The following HOMER1 variants were observed in gnomAD, a reference collection of about 807,000 sequenced individuals.
HOMER1 encodes the protein homer protein homolog 1.
A neutral mutation model predicts 48.9 loss-of-function variants in HOMER1; 3 were observed. That is an observed-to-expected ratio of 0.06 (90% CI 0.03 to 0.16). The LOEUF is 0.16. Among genes scored for constraint, HOMER1 ranks in the 10% least tolerant of loss-of-function variants. The pLI is 1.00. For missense variants in HOMER1, 247 were observed against 411.4 expected (o/e 0.60, Z 3.46); for synonymous variants, 134 against 146.4 (o/e 0.92, Z 0.61).
intron 5 of HOMER1, among the ~76,000 whole-genome samples, chr5:79,437,679 G>A (rs913424048): frequency 4.6e-5 from 7 of 152,168 alleles, no homozygotes; most frequent in Admixed American, 4.6e-4. Flanking sequence ...TATAGACAAG[G>A]TCTTACTCTG....
At chr5:79,478,722 C>T (rs1382481169) in intron 1 of HOMER1, among the ~76,000 whole-genome samples, 3 of 152,070 alleles carry the variant, frequency 2.0e-5, no homozygotes, top group South Asian at 2.1e-4. Context: ...GAAGCTGAGG[C>T]GGGCGGATCA....
chr5:79,431,870 A>G (rs60970254), intron 5 of HOMER1, among the ~76,000 whole-genome samples: 5,054 of 152,302 alleles, frequency 0.033, 194 homozygotes, highest in East Asian at 0.12. Flanking sequence ...TTATTTCCAC[A>G]TGAAGTATGA....
intron 3 of HOMER1, 21 bp downstream of exon 3, chr5:79,450,969 A>C (rs1247640577): frequency 6.2e-7 from 1 of 1,607,160 alleles, no homozygotes; most frequent in Non-Finnish European, 8.5e-7. Flanking sequence ...ATTTTCATTC[A>C]AATTTTATGA....
intron 1 of HOMER1, among the ~76,000 whole-genome samples, chr5:79,496,678 G>A (rs1752429399): frequency 1.3e-5 from 2 of 152,092 alleles, no homozygotes; most frequent in African/African-American, 2.4e-5. Context: ...ATACACAGCT[G>A]AGGCTCACCA....
intron 5 of HOMER1, among the ~76,000 whole-genome samples, chr5:79,418,056 G>A (rs1020017222): frequency 1.3e-5 from 2 of 152,192 alleles, no homozygotes; most frequent in African/African-American, 4.8e-5. Flanking sequence ...TTTTTGAAGA[G>A]GAGGCCAGAA....
chr5:79,454,010 A>G (rs894933540), intron 2 of HOMER1, among the ~76,000 whole-genome samples: 1 of 152,240 alleles, frequency 6.6e-6, no homozygotes, highest in African/African-American at 2.4e-5. Flanking sequence ...GCTACAGAAG[A>G]TAGATTTTGT....
At chr5:79,507,212 CAAAAAAAAAAAAA>C (rs34697575) in intron 1 of HOMER1, among the ~76,000 whole-genome samples, 6 of 51,902 alleles carry the variant, frequency 1.2e-4, no homozygotes, top group Non-Finnish European at 1.8e-4. Flanking sequence ...GGCTCTATCT[CAAAAAAAAAAAAA>C]AAAAAAAAAA....
chr5:79,376,354 C>T (rs546692988), intron 8 of HOMER1, among the ~76,000 whole-genome samples, 157 bp from the exon 9 acceptor site: 3 of 152,280 alleles, frequency 2.0e-5, no homozygotes, highest in Non-Finnish European at 4.4e-5. Flanking sequence ...AGATTTTAGA[C>T]TTGGCCATCC....
At chr5:79,504,247 C>T (rs1366878584) in intron 1 of HOMER1, among the ~76,000 whole-genome samples, 1 of 151,658 alleles carries the variant, frequency 6.6e-6, no homozygotes, top group East Asian at 1.9e-4. Flanking sequence ...AGAACCCTGG[C>T]AATACTCAGT....
At chr5:79,398,443 T>G (rs566613081) in intron 6 of HOMER1, among the ~76,000 whole-genome samples, 23 of 152,046 alleles carry the variant, frequency 1.5e-4, no homozygotes, top group African/African-American at 5.6e-4. Context: ...TAAATCCCTC[T>G]CCCTGGCATT....
chr5:79,378,224 A>C (rs937773152), intron 8 of HOMER1, among the ~76,000 whole-genome samples: 1 of 135,468 alleles, frequency 7.4e-6, no homozygotes, highest in South Asian at 2.1e-4. Context: ...CTCTGTCTCA[A>C]AAAAAAAAAA....
At position 79,373,282 on chromosome 5, in the gene HOMER1, A is replaced by C. The variant is rs1255430734; in HGVS notation, c.*2727T>G. The C allele has an allele frequency of 6.6e-6, 1 of 152,100 alleles. No homozygotes were observed. Among genetic ancestry groups the C allele is most frequent in the Non-Finnish European group, 1.5e-5 (1 of 67,970 alleles). The allele number at this position is 152,100 out of a possible 1,614,324, so 9.4% of individuals were successfully genotyped here. ...CAGAGAACAAATGTATTTCAAAATA[A>C]AAACTGTATTTTTGCTTTTCTTTTT... On this transcript the variant is annotated 3_prime_UTR_variant, in exon 9 of 9. Coordinates refer to ENST00000334082, the MANE Select transcript of HOMER1 (RefSeq NM_004272.5).
Position 79,460,552 on chromosome 5 carries a change from G to C in HOMER1, c.6-3534C>G, listed in dbSNP as rs189049486. ...ATTAACAAAGAGGATAGGAGTTTAG[G>C]GAACAGGATGAAGATGTGATAAAGG... On this transcript the variant is annotated intron_variant, in intron 1 of 8. Transcript: ENST00000334082. Among the ~76,000 whole-genome samples the C allele has an allele frequency of 3.9e-5, 6 of 152,272 alleles. No individual in the cohort carries two copies. In the East Asian group the frequency reaches 1.2e-3, roughly 29 times the overall value.
rs548198127 is a variant in HOMER1, at chr5:79,460,264, C to G, written c.6-3246G>C. On this transcript the variant is annotated intron_variant, in intron 1 of 8. Transcript: ENST00000334082. ...GGCTGATCACTTGAGCTCACAAGTT[C>G]GAGACCAGCTTAGGCAACATGACAA... is the stretch of plus-strand genomic sequence containing the variant. Among the ~76,000 whole-genome samples the G allele has an allele frequency of 2.0e-5, 3 of 152,222 alleles. No individual in the cohort carries two copies. The South Asian group carries it at 6.2e-4, about 32-fold the overall frequency.
intron 1 of HOMER1, among the ~76,000 whole-genome samples, chr5:79,485,274 G>A (rs572451651): frequency 3.3e-5 from 5 of 152,294 alleles, no homozygotes; most frequent in Admixed American, 1.3e-4. Context: ...CGCACGGGGT[G>A]ATAGAGGAAT....
intron 5 of HOMER1, among the ~76,000 whole-genome samples, chr5:79,418,017 A>G (rs921405632): frequency 2.0e-5 from 3 of 152,254 alleles, no homozygotes; most frequent in African/African-American, 7.2e-5. Flanking sequence ...GATTTGAATC[A>G]GAAAACTTTT....
At chr5:79,480,548 A>C (rs1751918044) in intron 1 of HOMER1, among the ~76,000 whole-genome samples, 1 of 152,212 alleles carries the variant, frequency 6.6e-6, no homozygotes, top group African/African-American at 2.4e-5. Flanking sequence ...AATCTCATAA[A>C]TTATAAATCT....
rs1388254505 is a variant in HOMER1, at chr5:79,510,999, C to G, written c.5+1771G>C. 11 of 381,746 alleles carry G rather than the reference C, an allele frequency of 2.9e-5. 1 individual carries two copies. The South Asian group carries it at 7.2e-4, about 25-fold the overall frequency. 23.6% of individuals were successfully genotyped at this position (381,746 alleles called of 1,614,324 possible). ...CTGGGGTCCTCCTGTGCTATTTGTA[C>G]AAAGAAACCTCAGGCAGGGAAAAAA... On this transcript the variant is annotated intron_variant, in intron 1 of 8. Coordinates refer to ENST00000334082, the MANE Select transcript of HOMER1 (RefSeq NM_004272.5).
intron 1 of HOMER1, among the ~76,000 whole-genome samples, chr5:79,488,357 C>T (rs1752177506): frequency 6.6e-6 from 1 of 152,232 alleles, no homozygotes; most frequent in Non-Finnish European, 1.5e-5. Context: ...ACCCAATCCA[C>T]TATCCTTTTC....
Sources: gnomAD v4.1 joint callset for allele counts (sites outside exome capture counted in the v4.1 genomes callset) on GRCh38, gnomAD v4.1.1 for gene constraint, MANE v1.5 for transcripts, NCBI Gene and HGNC (gene_info 2026-07-23, HGNC 2026-07-21) for gene names.